The following VPS36 variants were observed in gnomAD, a reference collection of about 807,000 sequenced individuals.
The protein encoded by VPS36 is vacuolar protein sorting 36 homolog, also known as vacuolar protein-sorting-associated protein 36.
VPS36 carries 31 observed loss-of-function variants against 63.5 expected under a neutral mutation model. That is an observed-to-expected ratio of 0.49 (90% confidence interval 0.37 to 0.66). The LOEUF (loss-of-function observed/expected upper bound fraction) is 0.66. Among genes scored for constraint, VPS36 ranks in the 30% least tolerant of loss-of-function variants. The pLI is 0.00. For missense variants in VPS36, 338 were observed against 463.7 expected (o/e 0.73, Z 2.49); for synonymous variants, 138 against 157.2 (o/e 0.88, Z 0.91).
intron 10 of VPS36, 135 bp from the exon 11 acceptor site, chr13:52,418,191 G>T: frequency 1.4e-6 from 1 of 737,758 alleles, no homozygotes; most frequent in Admixed American, 3.3e-5. Context: ...ATTGACAAAG[G>T]AACCAAAGAC....
chr13:52,439,094 T>G lies in VPS36; in HGVS notation c.236+4A>C. 6.2e-7 allele frequency: 1 copy of G among 1,613,424 alleles called. No homozygotes were observed. Among genetic ancestry groups the G allele is most frequent in the African/African-American group, 1.3e-5 (1 of 75,044 alleles). On this transcript the variant is annotated splice_donor_region_variant and intron_variant, in intron 3 of 13. Transcript: ENST00000378060. ...AATAAAGACTGTGCTATACACAGAC[T>G]TACCTCTTCCCAATTCCAGCCGCCT...
chr13:52,439,258 A>G, intron 2 of VPS36, 90 bp from the exon 3 acceptor site: 1 of 925,654 alleles, frequency 1.1e-6, no homozygotes, highest in Non-Finnish European at 1.6e-6. Context: ...TTACAGTGCC[A>G]TATGCCTTAA....
In VPS36 at chr13:52,444,524, A is replaced by G. The variant is rs142077712; in HGVS notation, c.97-2079T>C. On this transcript the variant is annotated intron_variant, in intron 1 of 13. Coordinates refer to ENST00000378060, the MANE Select transcript of VPS36 (RefSeq NM_016075.4). ...CATATATATGTATAAAAATATATAT[A>G]TTTATATATAAATACATATACATAT... 3.6e-3 allele frequency among the ~76,000 whole-genome samples: 528 copies of G among 147,782 alleles called. 4 individuals are homozygous for G. The highest frequency in any genetic ancestry group is 9.6e-3 in the African/African-American group (391 of 40,740).
chr13:52,447,552 G>A (rs992193715), intron 1 of VPS36, among the ~76,000 whole-genome samples: 1 of 152,188 alleles, frequency 6.6e-6, no homozygotes, highest in African/African-American at 2.4e-5. Context: ...AACTGTGCCT[G>A]TATAAACAAG....
At chr13:52,417,368 C>CT (rs34799344) in intron 11 of VPS36, among the ~76,000 whole-genome samples, 39 of 151,146 alleles carry the variant, frequency 2.6e-4, no homozygotes, top group Middle Eastern at 3.4e-3. Flanking sequence ...AAATTACTGG[C>CT]TTTTTTTTTA....
intron 3 of VPS36, among the ~76,000 whole-genome samples, chr13:52,437,825 G>A (rs1958234322): frequency 6.6e-6 from 1 of 152,070 alleles, no homozygotes. Context: ...AGCTACTCGG[G>A]AGGCTGAGGC....
At chr13:52,421,339 A>G (rs1300408169) in intron 10 of VPS36, among the ~76,000 whole-genome samples, 1 of 152,096 alleles carries the variant, frequency 6.6e-6, no homozygotes, top group Non-Finnish European at 1.5e-5. Context: ...AGAAGTAGAG[A>G]GTAGAAGAGT....
chr13:52,420,806 C>A lies in VPS36; in HGVS notation c.841-2750G>T, dbSNP rs149125610. On this transcript the variant is annotated intron_variant, in intron 10 of 13. Transcript: ENST00000378060. Reference sequence around the variant, plus strand: ...ATAAATACGTACAACTATTATGTATCCATAAAAAAGAAAAAATAAAAATTT... The same window carrying A: ...ATAAATACGTACAACTATTATGTATACATAAAAAAGAAAAAATAAAAATTT... Among the ~76,000 whole-genome samples the A allele has an allele frequency of 2.0e-3, 309 of 152,124 alleles. 3 individuals are homozygous for A. The highest frequency in any genetic ancestry group is 6.9e-3 in the African/African-American group (288 of 41,504).
rs74085781 is a variant in VPS36 at position 52,423,464 on chromosome 13, G to A, written c.840+110C>T. ...CAGTATTCTTTCACTGTACCACAGT[G>A]CTTCTCAAAATAGCTTTGATATTCA... is the stretch of plus-strand genomic sequence containing the variant. On this transcript the variant is annotated intron_variant, in intron 10 of 13. Coordinates refer to ENST00000378060, the MANE Select transcript of VPS36 (RefSeq NM_016075.4). 2,179 of 904,576 alleles carry A rather than the reference G, an allele frequency of 2.4e-3. 29 individuals are homozygous for A. The African/African-American group carries it at 0.03, about 13-fold the overall frequency. 56.0% of individuals were successfully genotyped at this position (904,576 alleles called of 1,614,324 possible). A position where few individuals can be genotyped will look rare whatever the true frequency, so the allele number is the denominator to read the frequency against.
intron 5 of VPS36, among the ~76,000 whole-genome samples, chr13:52,434,547 C>G (rs1958193318): frequency 1.3e-5 from 2 of 152,056 alleles, no homozygotes; most frequent in Non-Finnish European, 2.9e-5. Context: ...TTAGTAGAGA[C>G]AGGGTTTCAC....
intron 6 of VPS36, among the ~76,000 whole-genome samples, chr13:52,430,403 C>T (rs1045782334): frequency 3.0e-4 from 46 of 152,060 alleles, no homozygotes; most frequent in African/African-American, 1.1e-3. Flanking sequence ...GAGGCTGAGG[C>T]GACCGGATCA....
At chr13:52,418,561 G>A (rs1253204656) in intron 10 of VPS36, among the ~76,000 whole-genome samples, 3 of 108,474 alleles carry the variant, frequency 2.8e-5, no homozygotes, top group Non-Finnish European at 5.1e-5. Flanking sequence ...GCGATAGTGC[G>A]AGACTCCATC....
In VPS36 at chr13:52,416,932, T is replaced by C. The variant is rs1472276260; in HGVS notation, c.990+125A>G. 1.2e-5 allele frequency: 9 copies of C among 744,432 alleles called. 1 individual carries two copies. Among genetic ancestry groups the C allele is most frequent in the Admixed American group, 8.7e-5 (3 of 34,522 alleles). 46.1% of individuals were successfully genotyped at this position (744,432 alleles called of 1,614,324 possible). ...ATTGTTAGTGATAAACCATTTTTAT[T>C]TGGGTGTGTGAATGTTACTTTTTCA... On this transcript the variant is annotated intron_variant, in intron 12 of 13. Transcript: ENST00000378060.
chr13:52,427,138 A>C, intron 7 of VPS36, 49 bp downstream of exon 7: 1 of 1,606,838 alleles, frequency 6.2e-7, no homozygotes, highest in Non-Finnish European at 8.5e-7. Context: ...TATATTTCAA[A>C]AACTGTATCA....
rs751733886 is a variant in VPS36 at position 52,436,381 on chromosome 13, TG to T, written c.259del (p.His87ThrfsTer40). ...AGGTTCTTTGTTAGGAGGAGCTGGG[TG>T]AAGATGAACCACTATTTTGGCACTG... Reference protein sequence around the residue: ...GKSAKIVVHLHPAPPNKEPGP... With the variant: ...GKSAKIVVHLXPAPPNKEPGP... On this transcript the variant is annotated frameshift_variant, in exon 4 of 14. Coordinates refer to ENST00000378060, the MANE Select transcript of VPS36 (RefSeq NM_016075.4). LOFTEE classifies it high-confidence loss of function. The T allele has an allele frequency of 1.2e-6, 2 of 1,612,506 alleles. No homozygotes were observed. Among genetic ancestry groups the T allele is most frequent in the Non-Finnish European group, 1.7e-6 (2 of 1,179,328 alleles).
intron 10 of VPS36, among the ~76,000 whole-genome samples, chr13:52,421,571 G>A (rs1053486978): frequency 7.1e-6 from 1 of 140,300 alleles, no homozygotes; most frequent in Non-Finnish European, 1.5e-5. Context: ...GCCTAGGCTA[G>A]AGTGCAATGG....
intron 12 of VPS36, chr13:52,416,413 G>C (rs1957992836): frequency 4.2e-6 from 1 of 239,234 alleles, no homozygotes; most frequent in African/African-American, 2.3e-5. Context: ...AACAAATTCT[G>C]AGTACATATT....
At chr13:52,436,091 C>T (rs1051472613) in intron 4 of VPS36, 199 bp downstream of exon 4, 8 of 432,850 alleles carry the variant, frequency 1.8e-5, no homozygotes, top group East Asian at 6.6e-5. Flanking sequence ...CCCATTCCCA[C>T]TGAAACCTAA....
At chr13:52,418,523 C>T (rs1317446896) in intron 10 of VPS36, among the ~76,000 whole-genome samples, 4 of 138,124 alleles carry the variant, frequency 2.9e-5, no homozygotes, top group African/African-American at 8.3e-5. Flanking sequence ...TGCAGTTAGC[C>T]GAGATCGCAC....
Sources: gnomAD v4.1 joint callset for allele counts (sites outside exome capture counted in the v4.1 genomes callset) on GRCh38, gnomAD v4.1.1 for gene constraint, MANE v1.5 for transcripts, NCBI Gene and HGNC (gene_info 2026-07-23, HGNC 2026-07-21) for gene names.